The following CNTN5 variants were observed in gnomAD, a reference collection of about 807,000 sequenced individuals.
The protein encoded by CNTN5 is contactin 5, also known as contactin-5.
In CNTN5, 77 loss-of-function variants were observed where a neutral mutation model predicts 129.1. That is an observed-to-expected ratio of 0.60 (90% confidence interval 0.50 to 0.72). CNTN5 has a LOEUF of 0.72. CNTN5 is among the 30% of genes least tolerant of loss of function. The pLI is 0.00. For synonymous variants in CNTN5, 509 were observed against 465.6 expected (o/e 1.09, Z -1.20); for missense variants, 1,478 against 1,328.8 (o/e 1.11, Z -1.75).
At chr11:99,630,464 A>G (rs1034692235) in intron 3 of CNTN5, among the ~76,000 whole-genome samples, 1 of 151,866 alleles carries the variant, frequency 6.6e-6, no homozygotes, top group Non-Finnish European at 1.5e-5. Flanking sequence ...TTCATAGGTG[A>G]CTCAAATGAT....
chr11:100,002,181 A>T, intron 9 of CNTN5, 45 bp downstream of exon 9: 1 of 1,218,238 alleles, frequency 8.2e-7, no homozygotes, highest in Non-Finnish European at 1.1e-6. Context: ...TTTTATTAAA[A>T]TGTGACATAT....
chr11:99,878,018 T>C (rs539217242), intron 6 of CNTN5, among the ~76,000 whole-genome samples: 1 of 152,306 alleles, frequency 6.6e-6, no homozygotes, highest in African/African-American at 2.4e-5. Context: ...TTATTACTTA[T>C]TAAGACACCC....
At chr11:99,173,362 C>A (rs1591311351) in intron 1 of CNTN5, among the ~76,000 whole-genome samples, 2 of 152,114 alleles carry the variant, frequency 1.3e-5, no homozygotes, top group South Asian at 2.1e-4. Context: ...TAGCTAGAAC[C>A]AAGCCATCCC....
At chr11:99,823,740 CATAAA>C (rs971936076) in intron 4 of CNTN5, among the ~76,000 whole-genome samples, 1 of 151,986 alleles carries the variant, frequency 6.6e-6, no homozygotes, top group Admixed American at 6.6e-5. Flanking sequence ...TATTTTTTGA[CATAAA>C]ATTAAATTTG....
At chr11:99,173,478 C>G (rs547952272) in intron 1 of CNTN5, among the ~76,000 whole-genome samples, 1 of 152,090 alleles carries the variant, frequency 6.6e-6, no homozygotes, top group Non-Finnish European at 1.5e-5. Flanking sequence ...TATTATTGGT[C>G]AGATTTTATT....
At chr11:100,260,888 G>A (rs1190920212) in intron 17 of CNTN5, among the ~76,000 whole-genome samples, 1 of 152,144 alleles carries the variant, frequency 6.6e-6, no homozygotes, top group Non-Finnish European at 1.5e-5. Flanking sequence ...ACTGGCACAA[G>A]ACAAGGATGC....
intron 8 of CNTN5, among the ~76,000 whole-genome samples, chr11:99,998,878 C>G (rs1355497712): frequency 6.7e-6 from 1 of 150,224 alleles, no homozygotes; most frequent in Admixed American, 6.7e-5. Context: ...TGATCTTTGA[C>G]AAACCTGACA....
At chr11:99,663,239 G>A (rs1428087537) in intron 3 of CNTN5, among the ~76,000 whole-genome samples, 1 of 152,138 alleles carries the variant, frequency 6.6e-6, no homozygotes, top group Admixed American at 6.5e-5. Flanking sequence ...GAGGCCGAGG[G>A]CTGGCAGATC....
chr11:99,234,925 T>C (rs980733793), intron 1 of CNTN5, among the ~76,000 whole-genome samples: 3 of 152,134 alleles, frequency 2.0e-5, no homozygotes, highest in Non-Finnish European at 4.4e-5. Flanking sequence ...AACAAAGAGA[T>C]GCATGGCATA....
At chr11:99,929,606 G>C (rs533979529) in intron 7 of CNTN5, among the ~76,000 whole-genome samples, 2 of 152,312 alleles carry the variant, frequency 1.3e-5, no homozygotes, top group Admixed American at 1.3e-4. Context: ...GCAAGGAAAA[G>C]TGCTGGGCAA....
chr11:99,475,564 CCTTCT>C (rs1465477615), intron 2 of CNTN5, among the ~76,000 whole-genome samples: 3 of 152,022 alleles, frequency 2.0e-5, no homozygotes, highest in East Asian at 3.9e-4. Context: ...AAAATTATTT[CCTTCT>C]CTTATCTTAT....
intron 1 of CNTN5, among the ~76,000 whole-genome samples, chr11:99,093,565 A>T (rs1866343592): frequency 6.6e-6 from 1 of 152,002 alleles, no homozygotes; most frequent in African/African-American, 2.4e-5. Context: ...AAGGCTAAAA[A>T]CCAGCTAAAT....
chr11:99,492,727 A>G (rs1946083434), intron 2 of CNTN5, among the ~76,000 whole-genome samples: 1 of 152,184 alleles, frequency 6.6e-6, no homozygotes, highest in Admixed American at 6.6e-5. Context: ...TACATGACAC[A>G]GGTTATTCAA....
chr11:99,574,804 T>C (rs569944342), intron 3 of CNTN5, among the ~76,000 whole-genome samples: 7 of 152,308 alleles, frequency 4.6e-5, no homozygotes, highest in African/African-American at 1.4e-4. Context: ...TTGTAGATTC[T>C]GGATATTAGA....
At chr11:100,275,459 A>T (rs1354482725) in intron 18 of CNTN5, among the ~76,000 whole-genome samples, 2 of 152,242 alleles carry the variant, frequency 1.3e-5, no homozygotes, top group Non-Finnish European at 2.9e-5. Flanking sequence ...ACAAAGGCAA[A>T]GATTACTGAC....
intron 17 of CNTN5, among the ~76,000 whole-genome samples, chr11:100,267,884 A>G (rs1398828707): frequency 6.6e-6 from 1 of 152,144 alleles, no homozygotes; most frequent in Non-Finnish European, 1.5e-5. Context: ...TGTTATTATG[A>G]TTGAGAGATG....
intron 3 of CNTN5, among the ~76,000 whole-genome samples, chr11:99,577,679 G>A (rs1020766916): frequency 6.6e-6 from 1 of 151,996 alleles, no homozygotes; most frequent in African/African-American, 2.4e-5. Context: ...GAGTTTGTGG[G>A]ACTATCACAA....
rs368431615 is a variant in CNTN5, at chr11:100,025,759, G to A, written c.980+23623G>A. 2.6e-5 allele frequency among the ~76,000 whole-genome samples: 4 copies of A among 152,150 alleles called. No individual in the cohort carries two copies. In the East Asian group the frequency reaches 5.8e-4, roughly 22 times the overall value. On this transcript the variant is annotated intron_variant, in intron 9 of 24. Transcript: ENST00000524871. The stretch of plus-strand genomic sequence containing the variant: ...TCACTGGATTTTGGACTTGTATGGT[G>A]CCTGTAGCCCCATTGTTTCAGCCAA...
At chr11:100,076,844 A>G (rs750695930) in intron 13 of CNTN5, among the ~76,000 whole-genome samples, 1 of 152,074 alleles carries the variant, frequency 6.6e-6, no homozygotes, top group Non-Finnish European at 1.5e-5. Context: ...ACAAAATACC[A>G]TTTTTATTAT....
Sources: gnomAD v4.1 joint callset for allele counts (sites outside exome capture counted in the v4.1 genomes callset) on GRCh38, gnomAD v4.1.1 for gene constraint, MANE v1.5 for transcripts, NCBI Gene and HGNC (gene_info 2026-07-23, HGNC 2026-07-21) for gene names.